The following NAALADL1 variants were observed in gnomAD, a reference collection of about 807,000 sequenced individuals.
NAALADL1 encodes aminopeptidase NAALADL1.
A neutral mutation model predicts 82.8 loss-of-function variants in NAALADL1; 77 were observed. The ratio of observed to expected loss-of-function variants is 0.93; its 90% CI spans 0.77 to 1.12. NAALADL1 has a LOEUF of 1.12. Among genes scored for constraint, NAALADL1 ranks in the 50% most tolerant of loss-of-function variants. The pLI is 0.00. For missense variants in NAALADL1, 956 were observed against 964.0 expected (o/e 0.99, Z 0.11); for synonymous variants, 358 against 399.2 (o/e 0.90, Z 1.23).
Position 65,053,963 on chromosome 11 carries a change from C to G in NAALADL1, c.992+287G>C, listed in dbSNP as rs944562026. 6.6e-6 allele frequency among the ~76,000 whole-genome samples: 1 copy of G among 151,888 alleles called. No individual in the cohort carries two copies. Among genetic ancestry groups the G allele is most frequent in the Non-Finnish European group, 1.5e-5 (1 of 67,972 alleles). On this transcript the variant is annotated intron_variant, in intron 6 of 17. Coordinates refer to ENST00000358658, the MANE Select transcript of NAALADL1 (RefSeq NM_005468.3). This position sits in a 1 kb window ranked among gnomAD's most constrained non-coding sequence, Gnocchi z 4.3. ...GTGCAGGTTGGGAGTGGCAGGGGCC[C>G]TGATTTGGGAAGGAGCTTGGCATCT...
At chr11:65,060,351 A>G (rs2137047427), upstream of NAALADL1, among the ~76,000 whole-genome samples, 1 of 152,222 alleles carries the variant, frequency 6.6e-6, no homozygotes, top group South Asian at 2.1e-4. Flanking sequence ...GTTCTTGGCA[A>G]CGTGATTATC....
In NAALADL1 at chr11:65,054,843, T is replaced by C; in HGVS notation, c.604-105A>G. The C allele has an allele frequency of 2.1e-6, 3 of 1,407,330 alleles. No individual in the cohort carries two copies. Among genetic ancestry groups the C allele is most frequent in the Non-Finnish European group, 2.9e-6 (3 of 1,051,670 alleles). 87.2% of individuals were successfully genotyped at this position (1,407,330 alleles called of 1,614,324 possible). ...TGTGGAAGCCAGGATAGACCAATCT[T>C]CCATGGGCAAGATGACGTTTGCACA... On this transcript the variant is annotated intron_variant, in intron 4 of 17. Coordinates refer to ENST00000358658, the MANE Select transcript of NAALADL1 (RefSeq NM_005468.3). This position sits in a 1 kb window ranked among gnomAD's most constrained non-coding sequence, Gnocchi z 4.3.
rs148253114 is a variant in NAALADL1 at position 65,047,661 on chromosome 11, G to A, written c.1494C>T (p.Tyr498=). The change falls in exon 12 of 18, where the codon TAC becomes TAT. Residue 498 remains tyrosine (Y), a synonymous_variant. Transcript: ENST00000358658. The stretch of plus-strand genomic sequence containing the variant: ...CCTGGGCTTACCTGGGGACCAGGCC[G>A]TACACCGGGCTGCTGCGGTTGAAGT... The part of the protein sequence containing the change: ...IRYFNRSSPV[Y]GLVPSLGSLG... The A allele has an allele frequency of 3.7e-6, 6 of 1,605,432 alleles. No individual in the cohort carries two copies. In the African/African-American group the frequency reaches 6.7e-5, roughly 18 times the overall value.
In NAALADL1 at chr11:65,057,980, G is replaced by GC. The variant is rs764804053; in HGVS notation, c.374dup (p.Ile126HisfsTer9). On this transcript the variant is annotated frameshift_variant, in exon 3 of 18. Transcript: ENST00000358658. LOFTEE classifies it high-confidence loss of function. ...CAGTCCGGTGGCAGGAGTGGATGAT[G>GC]CCCCCAGTGGGGCCCACTGTTGGAG... The GC allele has an allele frequency of 1.9e-6, 3 of 1,614,036 alleles. No individual in the cohort carries two copies. The highest frequency in any genetic ancestry group is 1.6e-4 in the Middle Eastern group (1 of 6,084).
In NAALADL1 at chr11:65,052,179, TGGAGCCAGCAGACCC is replaced by T. The variant is rs1402991891; in HGVS notation, c.1198+1024_1198+1038del. 4.0e-4 allele frequency among the ~76,000 whole-genome samples: 61 copies of T among 152,036 alleles called. 1 individual carries two copies. Among genetic ancestry groups the T allele is most frequent in the African/African-American group, 2.4e-5 (1 of 41,422 alleles). On this transcript the variant is annotated intron_variant, in intron 8 of 17. Coordinates refer to ENST00000358658, the MANE Select transcript of NAALADL1 (RefSeq NM_005468.3). ...CTCGACTTGTCCTCCCTCTTGCCCC[TGGAGCCAGCAGACCC>T]GGGCCCAGCAGCCTGTCCCTGCCCC...
At position 65,054,359 on chromosome 11, in the gene NAALADL1, G is replaced by A. The variant is rs145698291; in HGVS notation, c.888-5C>T. On this transcript the variant is annotated splice_polypyrimidine_tract_variant and splice_region_variant and intron_variant, in intron 5 of 17. Transcript: ENST00000358658. The surrounding 1 kb of genome is among the most constrained non-coding windows in gnomAD (Gnocchi z 4.3). ...GCCAAAGTTCCGTTGAGGTTACTGGGGAGGAGGAAGAGGCCCTTCAGGGTA... is the reference window on the plus strand; with the variant it reads ...GCCAAAGTTCCGTTGAGGTTACTGGAGAGGAGGAAGAGGCCCTTCAGGGTA... 1,540 of 1,613,872 alleles carry A rather than the reference G, an allele frequency of 9.5e-4. 17 individuals are homozygous for A. The African/African-American group carries it at 0.019, about 20-fold the overall frequency.
chr11:65,045,577 T>G, intron 17 of NAALADL1, 120 bp from the exon 18 acceptor site: 1 of 1,144,680 alleles, frequency 8.7e-7, no homozygotes, highest in Non-Finnish European at 1.2e-6. Flanking sequence ...CCCCGTCCAC[T>G]TGTCTCTGAA....
chr11:65,057,552 G>T (rs972977813), intron 3 of NAALADL1, 59 bp from the exon 4 acceptor site: 6 of 1,564,558 alleles, frequency 3.8e-6, no homozygotes, highest in South Asian at 2.4e-5. Flanking sequence ...GGTGGGGAAG[G>T]GGGGTGGAAG....
In NAALADL1 at chr11:65,058,099, G is replaced by T. The variant is rs1947096463; in HGVS notation, c.337C>A (p.Gln113Lys). 1 of 1,611,636 alleles carries T rather than the reference G, an allele frequency of 6.2e-7. No homozygotes were observed. The highest frequency in any genetic ancestry group is 2.2e-5 in the East Asian group (1 of 44,806). The stretch of plus-strand genomic sequence containing the variant: ...TCACCGATGTCCACGACGTTGGGCT[G>T]CTCCTGGCTAGGGAAGGACAGCAGC... ...EVLLSFPSQEQPNVVDIVGPT... is the reference protein window; with the variant it reads ...EVLLSFPSQEKPNVVDIVGPT... Residue 113 changes from glutamine to lysine, a missense_variant, in exon 2 of 18, where the codon CAG (glutamine) becomes AAG (lysine). Coordinates refer to ENST00000358658, the MANE Select transcript of NAALADL1 (RefSeq NM_005468.3).
chr11:65,048,432 T>G, intron 8 of NAALADL1, 47 bp from the exon 9 acceptor site: 1 of 1,603,796 alleles, frequency 6.2e-7, no homozygotes, highest in Non-Finnish European at 8.5e-7. Context: ...CTCCTGATCC[T>G]AGGGTGCCTT....
In NAALADL1 at chr11:65,053,698, G is replaced by T; in HGVS notation, c.993-122C>A. Reference sequence around the variant, plus strand: ...GGCAAGGCCATTCATTGGCCCCGAAGTACCAAGAGAGGCAGCAAGGCTGGA... The same window carrying T: ...GGCAAGGCCATTCATTGGCCCCGAATTACCAAGAGAGGCAGCAAGGCTGGA... On this transcript the variant is annotated intron_variant, in intron 6 of 17. Transcript: ENST00000358658. The surrounding 1 kb of genome is among the most constrained non-coding windows in gnomAD (Gnocchi z 4.3). 1 of 850,068 alleles carries T rather than the reference G, an allele frequency of 1.2e-6. No individual in the cohort carries two copies. Among genetic ancestry groups the T allele is most frequent in the Non-Finnish European group, 1.8e-6 (1 of 553,226 alleles). 52.7% of individuals were successfully genotyped at this position (850,068 alleles called of 1,614,324 possible).
chr11:65,045,923 G>C lies in NAALADL1; in HGVS notation c.1944-9C>G. 1.2e-6 allele frequency: 2 copies of C among 1,613,794 alleles called. No homozygotes were observed. Among genetic ancestry groups the C allele is most frequent in the Non-Finnish European group, 1.7e-6 (2 of 1,179,896 alleles). On this transcript the variant is annotated splice_polypyrimidine_tract_variant and intron_variant, in intron 16 of 17. Coordinates refer to ENST00000358658, the MANE Select transcript of NAALADL1 (RefSeq NM_005468.3). The stretch of plus-strand genomic sequence containing the variant: ...TCCGGACCTGCAGGGGGCTGGTGGG[G>C]AGGCAGGAACTGCCAGTCACCCTGG...
Position 65,048,016 on chromosome 11 carries a change from GGGGC to G in NAALADL1, c.1377_1380del (p.Pro460LeufsTer21). On this transcript the variant is annotated frameshift_variant, in exon 11 of 18. Coordinates refer to ENST00000358658, the MANE Select transcript of NAALADL1 (RefSeq NM_005468.3). LOFTEE classifies it high-confidence loss of function. ...GCAGAGAAGACGACGCTCTGGACAG[GGGGC>G]GTCCCCTGCACCCTAAGGGTAGCGT... The G allele has an allele frequency of 6.2e-7, 1 of 1,613,652 alleles. No individual in the cohort carries two copies. The highest frequency in any genetic ancestry group is 1.1e-5 in the South Asian group (1 of 91,056).
chr11:65,057,509 G>T lies in NAALADL1; in HGVS notation c.481-16C>A. ...CGAGGAGGCCCTAGTCCCAAGAGGGGGTGATCCTTAGAGCTGGGCCCAGCG... is the reference window on the plus strand; with the variant it reads ...CGAGGAGGCCCTAGTCCCAAGAGGGTGTGATCCTTAGAGCTGGGCCCAGCG... On this transcript the variant is annotated splice_polypyrimidine_tract_variant and intron_variant, in intron 3 of 17. Transcript: ENST00000358658. 1 of 1,610,282 alleles carries T rather than the reference G, an allele frequency of 6.2e-7. No homozygotes were observed. The highest frequency in any genetic ancestry group is 2.2e-5 in the East Asian group (1 of 44,876).
Position 65,058,447 on chromosome 11 carries a change from G to C in NAALADL1, c.75C>G (p.His25Gln). The change falls in exon 1 of 18, where the codon CAC becomes CAG. Residue 25 changes from histidine to glutamine, a missense_variant. By Grantham distance (24) the His-to-Gln change is conservative. Transcript: ENST00000358658. ...ALLGLGIILGHFAIPKKANSL... is the reference protein window; with the variant it reads ...ALLGLGIILGQFAIPKKANSL... ...AGTTGGCTTTTTTGGGGATGGCAAA[G>C]TGGCCGAGGATGATCCCCAGCCCCA... 6.2e-7 allele frequency: 1 copy of C among 1,614,026 alleles called. No individual in the cohort carries two copies. Among genetic ancestry groups the C allele is most frequent in the Non-Finnish European group, 8.5e-7 (1 of 1,179,952 alleles).
intron 4 of NAALADL1, among the ~76,000 whole-genome samples, chr11:65,055,923 TC>T (rs1947027623): frequency 6.6e-6 from 1 of 150,872 alleles, no homozygotes; most frequent in African/African-American, 2.4e-5. Context: ...CTTGCTCTTG[TC>T]CCCCAGGCTG....
intron 11 of NAALADL1, 66 bp from the exon 12 acceptor site, chr11:65,047,804 T>C: frequency 6.6e-7 from 1 of 1,509,802 alleles, no homozygotes; most frequent in Non-Finnish European, 9.0e-7. Context: ...GGGCGGGTTC[T>C]CCACCGGTCT....
At position 65,057,861 on chromosome 11, in the gene NAALADL1, G is replaced by T. The variant is rs766083643; in HGVS notation, c.480+14C>A. On this transcript the variant is annotated intron_variant, in intron 3 of 17. Transcript: ENST00000358658. ...GGAGCTGGGCCAGAGCAGTAGGGGG[G>T]GTTCTGGGCCCACCTGTGGGGTTCC... 1.9e-6 allele frequency: 3 copies of T among 1,613,124 alleles called. No homozygotes were observed. The highest frequency in any genetic ancestry group is 2.5e-6 in the Non-Finnish European group (3 of 1,179,818).
chr11:65,049,881 T>C (rs1164855147), intron 8 of NAALADL1, among the ~76,000 whole-genome samples: 61 of 151,710 alleles, frequency 4.0e-4, no homozygotes, highest in East Asian at 2.0e-4. Flanking sequence ...AAAAAATATT[T>C]TTTTCTTTTT....
Sources: gnomAD v4.1 joint callset for allele counts (sites outside exome capture counted in the v4.1 genomes callset) on GRCh38, gnomAD v4.1.1 for gene constraint, Gnocchi (gnomAD v3.1) non-coding constraint, MANE v1.5 for transcripts, NCBI Gene and HGNC (gene_info 2026-07-23, HGNC 2026-07-21) for gene names.